BAZ2B: variants seen among roughly 807,000 people sequenced by gnomAD.
BAZ2B encodes the protein bromodomain adjacent to zinc finger domain protein 2B.
In BAZ2B, 91 loss-of-function variants were observed where a neutral mutation model predicts 246.0. The ratio of observed to expected loss-of-function variants is 0.37; its 90% CI spans 0.31 to 0.44. The LOEUF (loss-of-function observed/expected upper bound fraction) is 0.44, where lower values mean the gene tolerates loss of function less well. BAZ2B is among the 20% of genes least tolerant of loss of function. The pLI is 1.00. For synonymous variants in BAZ2B, 855 were observed against 860.0 expected (o/e 0.99, Z 0.10); for missense variants, 2,332 against 2,533.7 (o/e 0.92, Z 1.71).
the BAZ2B span, among the ~76,000 whole-genome samples, chr2:159,623,456 A>G: frequency 1.3e-5 from 2 of 152,210 alleles, no homozygotes; most frequent in African/African-American, 4.8e-5. Context: ...TTAAATAAAA[A>G]CATTTGTAAC....
chr2:159,630,538 C>CCT, the BAZ2B span, among the ~76,000 whole-genome samples: 82 of 145,254 alleles, frequency 5.6e-4, no homozygotes, highest in African/African-American at 2.0e-3. Flanking sequence ...ATTCTTCTCT[C>CCT]TTTTTTTTTT....
At chr2:159,328,778 G>A (rs2064168914) in intron 34 of BAZ2B, among the ~76,000 whole-genome samples, 2 of 152,030 alleles carry the variant, frequency 1.3e-5, no homozygotes, top group African/African-American at 4.8e-5. Context: ...TCATATAAGT[G>A]GCCCTCCATA....
chr2:159,611,212 T>C (rs1006938198), intron 1 of BAZ2B, among the ~76,000 whole-genome samples: 2 of 151,958 alleles, frequency 1.3e-5, no homozygotes, highest in Non-Finnish European at 2.9e-5. Context: ...AGGATGTTTA[T>C]GTGTAGTACA....
chr2:159,613,768 T>C (rs1027755107), intron 1 of BAZ2B, among the ~76,000 whole-genome samples: 4 of 152,198 alleles, frequency 2.6e-5, no homozygotes, highest in African/African-American at 7.2e-5. Flanking sequence ...ATCTGTTCTA[T>C]GTGCTTTTAA....
At position 159,501,226 on chromosome 2, in the gene BAZ2B, T is replaced by TTATA. The variant is rs1224536412; in HGVS notation, c.-2-22509_-2-22506dup. On this transcript the variant is annotated intron_variant, in intron 2 of 36. Coordinates refer to ENST00000392783, the MANE Select transcript of BAZ2B (RefSeq NM_013450.4). Reference sequence around the variant, plus strand: ...ATTTTTATATATATTATATATATATTTATATATATATATATAAAGTAGCTG... The same window carrying TTATA: ...ATTTTTATATATATTATATATATATTTATATATATATATATATATAAAGTAGCTG... 2.7e-5 allele frequency among the ~76,000 whole-genome samples: 3 copies of TTATA among 112,426 alleles called. No homozygotes were observed. In the South Asian group the frequency reaches 7.7e-4, roughly 29 times the overall value. The allele number at this position is 112,426 out of a possible 152,430, so 73.8% of individuals were successfully genotyped here.
At chr2:159,668,487 T>C in the BAZ2B span, among the ~76,000 whole-genome samples, 2 of 152,228 alleles carry the variant, frequency 1.3e-5, no homozygotes, top group Admixed American at 6.5e-5. Flanking sequence ...AGAAGTTCCC[T>C]ATCATTCCTG....
At chr2:159,620,029 A>G (rs1305154999), upstream of BAZ2B, among the ~76,000 whole-genome samples, 1 of 152,208 alleles carries the variant, frequency 6.6e-6, no homozygotes, top group Non-Finnish European at 1.5e-5. Context: ...TACCTATCCC[A>G]CAGACTATGC....
intron 2 of BAZ2B, among the ~76,000 whole-genome samples, chr2:159,479,029 T>C (rs2078951364): frequency 6.6e-6 from 1 of 152,172 alleles, no homozygotes; most frequent in Non-Finnish European, 1.5e-5. Flanking sequence ...ATTCGTCTTA[T>C]TCATCCCAAA....
intron 1 of BAZ2B, among the ~76,000 whole-genome samples, chr2:159,601,708 C>A (rs536105680): frequency 7.2e-4 from 110 of 151,950 alleles, no homozygotes; most frequent in Middle Eastern, 6.8e-3. Flanking sequence ...GCGACAGGAG[C>A]GAAACTCTGT....
intron 27 of BAZ2B, among the ~76,000 whole-genome samples, chr2:159,370,795 A>G (rs1315211264): frequency 6.6e-6 from 1 of 152,122 alleles, no homozygotes; most frequent in South Asian, 2.1e-4. Flanking sequence ...ATTTTAAAGT[A>G]TCATTCATTT....
intron 1 of BAZ2B, among the ~76,000 whole-genome samples, chr2:159,602,032 A>T (rs1692280447): frequency 6.6e-6 from 1 of 152,236 alleles, no homozygotes; most frequent in Admixed American, 6.5e-5. Flanking sequence ...TTCAATCAAC[A>T]GTCGGTAGGA....
chr2:159,432,972 T>G lies in BAZ2B; in HGVS notation c.1685A>C (p.Gln562Pro), dbSNP rs768639702. Reference sequence around the variant, plus strand: ...ATTGCTAACTGCTTTTTCCTTCCCTTGACTATGCAGGATGGGAGAGGCAGA... The same window carrying G: ...ATTGCTAACTGCTTTTTCCTTCCCTGGACTATGCAGGATGGGAGAGGCAGA... Reference protein sequence around the residue: ...MPSASPILHSQGKEKAVSNNV... With the variant: ...MPSASPILHSPGKEKAVSNNV... The change falls in exon 9 of 37, where the codon CAA becomes CCA. Residue 562 changes from glutamine to proline, a missense_variant. Coordinates refer to ENST00000392783, the MANE Select transcript of BAZ2B (RefSeq NM_013450.4). The G allele has an allele frequency of 1.9e-6, 3 of 1,613,998 alleles. No individual in the cohort carries two copies. Among genetic ancestry groups the G allele is most frequent in the Non-Finnish European group, 2.5e-6 (3 of 1,180,028 alleles).
intron 27 of BAZ2B, among the ~76,000 whole-genome samples, chr2:159,368,858 TAAAAAAAA>T (rs58161936): frequency 0.011 from 1,326 of 123,690 alleles, 10 homozygotes; most frequent in Non-Finnish European, 0.014. Context: ...CTGAAAGGCC[TAAAAAAAA>T]AAAAAAAAAA....
chr2:159,385,296 A>G lies in BAZ2B; in HGVS notation c.3545T>C (p.Ile1182Thr). Reference protein sequence around the residue: ...NRDNVSEILQIFMEAHCGQTE... With the variant: ...NRDNVSEILQTFMEAHCGQTE... ...TTGTCCACAGTGGGCTTCCATAAAT[A>G]TCTGTAAAATCTCGGAAACATTGTC... The change falls in exon 23 of 37, where the codon ATA becomes ACA. Residue 1182 changes from isoleucine to threonine, a missense_variant. Physicochemically the swap from Ile to Thr is moderately conservative, Grantham distance 89. Around this residue, in one of 9 missense-constraint regions of BAZ2B, gnomAD observed 328 missense variants for 410.4 expected, o/e 0.80. Coordinates refer to ENST00000392783, the MANE Select transcript of BAZ2B (RefSeq NM_013450.4). The G allele has an allele frequency of 6.2e-7, 1 of 1,613,494 alleles. No individual in the cohort carries two copies. Among genetic ancestry groups the G allele is most frequent in the Non-Finnish European group, 8.5e-7 (1 of 1,179,644 alleles).
At chr2:159,395,597 C>T (rs758440679) in intron 20 of BAZ2B, 172 bp downstream of exon 20, 1 of 487,722 alleles carries the variant, frequency 2.1e-6, no homozygotes, top group Non-Finnish European at 3.6e-6. Flanking sequence ...ACTCTTCCTA[C>T]ATTCTTTTAT....
chr2:159,541,497 T>C (rs1205129364), intron 2 of BAZ2B, among the ~76,000 whole-genome samples: 1 of 152,072 alleles, frequency 6.6e-6, no homozygotes. Flanking sequence ...CAGGCTGGTC[T>C]CAAACTCCTG....
the BAZ2B span, among the ~76,000 whole-genome samples, chr2:159,697,434 T>C: frequency 5.9e-5 from 9 of 152,280 alleles, no homozygotes; most frequent in African/African-American, 2.2e-4. Flanking sequence ...GAAATTACAA[T>C]AGAAAAAAAC....
the BAZ2B span, among the ~76,000 whole-genome samples, chr2:159,703,571 C>T: frequency 0.066 from 10,052 of 152,184 alleles, 430 homozygotes; most frequent in Middle Eastern, 0.19. Context: ...AGTTAAATAT[C>T]CTTTAAAAAC....
At chr2:159,595,280 T>A (rs543961521) in intron 1 of BAZ2B, among the ~76,000 whole-genome samples, 1 of 152,066 alleles carries the variant, frequency 6.6e-6, no homozygotes, top group East Asian at 2.0e-4. Flanking sequence ...TTTTGTATTT[T>A]TAGTAGAGAT....
Sources: gnomAD v4.1 joint callset for allele counts (sites outside exome capture counted in the v4.1 genomes callset) on GRCh38, gnomAD v4.1.1 for gene constraint, gnomAD v4.1.1 regional missense constraint, MANE v1.5 for transcripts, NCBI Gene and HGNC (gene_info 2026-07-23, HGNC 2026-07-21) for gene names.